Variants in TM2D3 observed in about 807,000 individuals in gnomAD.
TM2D3 encodes TM2 domain containing 3, also known as TM2 domain-containing protein 3.
Under a neutral mutation model 27.3 loss-of-function variants are expected in TM2D3, and 33 were observed. The ratio of observed to expected loss-of-function variants is 1.21; its 90% CI spans 0.92 to 1.61. The LOEUF is 1.61. TM2D3 is among the 40% of genes most tolerant of loss of function. TM2D3 has a pLI of 0.00. For synonymous variants in TM2D3, 138 were observed against 122.2 expected, an observed-to-expected ratio of 1.13 and a Z score of -0.85; for missense variants, 364 against 320.8, an observed-to-expected ratio of 1.13 and a Z score of -1.03.
In TM2D3 at chr15:101,646,591, G is replaced by C. The variant is rs1896816197; in HGVS notation, c.502+134C>G. 3.4e-6 allele frequency: 3 copies of C among 886,814 alleles called. No individual in the cohort carries two copies. In the Admixed American group the frequency reaches 6.2e-5, roughly 18 times the overall value. 54.9% of individuals were successfully genotyped at this position (886,814 alleles called of 1,614,324 possible). On this transcript the variant is annotated intron_variant, in intron 4 of 5. Transcript: ENST00000333202. ...TTAGTACGTTGAGTTTATTGATGAT[G>C]CTTGGCACATCTAAAGAGCTGCTGA...
At chr15:101,645,044 G>T in intron 5 of TM2D3, 43 bp downstream of exon 5, 1 of 1,555,866 alleles carries the variant, frequency 6.4e-7, no homozygotes, top group Non-Finnish European at 8.8e-7. Flanking sequence ...CAATCCCAAA[G>T]AAATGCAAAC....
chr15:101,644,953 GC>G, intron 5 of TM2D3, 133 bp downstream of exon 5: 1 of 779,042 alleles, frequency 1.3e-6, no homozygotes, highest in Non-Finnish European at 2.1e-6. Context: ...AACTCTTCCA[GC>G]TGTTTGCTAG....
chr15:101,637,121 C>A (rs374568964), downstream of TM2D3, among the ~76,000 whole-genome samples: 1 of 152,142 alleles, frequency 6.6e-6, no homozygotes, highest in East Asian at 1.9e-4. Context: ...CAGGACAGCT[C>A]GAAGCAGGGG....
Position 101,645,071 on chromosome 15 carries a change from G to T in TM2D3, c.578+16C>A. 1 of 1,608,406 alleles carries T rather than the reference G, an allele frequency of 6.2e-7. No homozygotes were observed. The highest frequency in any genetic ancestry group is 8.5e-7 in the Non-Finnish European group (1 of 1,176,352). The stretch of plus-strand genomic sequence containing the variant: ...AATGCAAACGGCCTTTTACACTTAC[G>T]AGTAACAAGGCTTACCTTAGAGCCA... On this transcript the variant is annotated intron_variant, in intron 5 of 5. Transcript: ENST00000333202.
intron 3 of TM2D3, among the ~76,000 whole-genome samples, chr15:101,649,408 C>A (rs982563707): frequency 3.3e-5 from 5 of 151,826 alleles, no homozygotes; most frequent in Admixed American, 2.6e-4. Flanking sequence ...GAAAAATATT[C>A]TCCATTTTGG....
chr15:101,644,979 G>A, intron 5 of TM2D3, 108 bp downstream of exon 5: 1 of 945,578 alleles, frequency 1.1e-6, no homozygotes. Flanking sequence ...TAACACACGT[G>A]GTAGGATCTG....
intron 4 of TM2D3, 61 bp from the exon 5 acceptor site, chr15:101,645,223 T>C (rs962215595): frequency 4.4e-6 from 6 of 1,371,162 alleles, no homozygotes; most frequent in Non-Finnish European, 6.0e-6. Flanking sequence ...AAAGACTTAA[T>C]TGTAACAAAT....
downstream of TM2D3, among the ~76,000 whole-genome samples, chr15:101,641,272 T>TAAACAAAACAAAACA (rs55775443): frequency 5.8e-4 from 88 of 151,486 alleles, no homozygotes; most frequent in Middle Eastern, 3.5e-3. Flanking sequence ...AAGTTCCTCG[T>TAAACAAAACAAAACA]AAACAAAACA....
intron 4 of TM2D3, chr15:101,646,435 A>G (rs896633450): frequency 3.1e-5 from 12 of 390,708 alleles, no homozygotes; most frequent in Non-Finnish European, 3.3e-5. Flanking sequence ...CCGCAATGGT[A>G]TTGGTGCTGC....
intron 4 of TM2D3, chr15:101,646,314 A>C (rs1300236732): frequency 6.2e-6 from 1 of 161,020 alleles, no homozygotes; most frequent in Non-Finnish European, 1.4e-5. Flanking sequence ...TAGACAATAA[A>C]ACTACAGAAA....
intron 4 of TM2D3, chr15:101,635,068 G>C (rs546792009): frequency 1.3e-5 from 2 of 152,200 alleles, no homozygotes; most frequent in Non-Finnish European, 2.9e-5. Flanking sequence ...GCTAAGGTGG[G>C]AGAATCTCTT....
chr15:101,638,793 T>C (rs1271730357), downstream of TM2D3, among the ~76,000 whole-genome samples: 2 of 152,222 alleles, frequency 1.3e-5, no homozygotes, highest in East Asian at 3.8e-4. Context: ...GTGCTGGCTT[T>C]TCCTACAGTG....
At chr15:101,647,768 T>C in intron 3 of TM2D3, among the ~76,000 whole-genome samples, 1 of 152,190 alleles carries the variant, frequency 6.6e-6, no homozygotes, top group East Asian at 1.9e-4. Context: ...CTGAAAGCAC[T>C]TTGTAGTCTT....
chr15:101,636,963 G>A (rs199915297), downstream of TM2D3: 20 of 410,872 alleles, frequency 4.9e-5, no homozygotes, highest in East Asian at 6.5e-4. Flanking sequence ...GATTTATTCC[G>A]AACCAAATAT....
intron 1 of TM2D3, 159 bp downstream of exon 1, chr15:101,652,112 C>T: frequency 1.5e-6 from 1 of 661,372 alleles, no homozygotes; most frequent in Non-Finnish European, 2.4e-6. Flanking sequence ...GCCGGGCGGC[C>T]AGGGCGCCAG....
intron 3 of TM2D3, among the ~76,000 whole-genome samples, chr15:101,649,003 T>C (rs748166223): frequency 6.6e-6 from 1 of 152,232 alleles, no homozygotes; most frequent in Non-Finnish European, 1.5e-5. Context: ...TATGAGCATC[T>C]GACCCTTATA....
downstream of TM2D3, chr15:101,641,838 G>A (rs966937050): frequency 1.1e-5 from 9 of 850,170 alleles, no homozygotes; most frequent in African/African-American, 1.6e-4. Flanking sequence ...TAGAAAACAG[G>A]CCCACAGTAT....
chr15:101,643,403 C>A (rs942612791), intron 5 of TM2D3, among the ~76,000 whole-genome samples: 3 of 151,748 alleles, frequency 2.0e-5, no homozygotes, highest in Non-Finnish European at 4.4e-5. Flanking sequence ...GAGATCCAGA[C>A]CATCCTGGCT....
chr15:101,638,481 G>A (rs1196552631), downstream of TM2D3, among the ~76,000 whole-genome samples: 1 of 151,956 alleles, frequency 6.6e-6, no homozygotes, highest in East Asian at 1.9e-4. Flanking sequence ...ATTTTTAGTA[G>A]AGACGGGGGT....
Sources: gnomAD v4.1 joint callset for allele counts (sites outside exome capture counted in the v4.1 genomes callset) on GRCh38, gnomAD v4.1.1 for gene constraint, MANE v1.5 for transcripts, NCBI Gene and HGNC (gene_info 2026-07-23, HGNC 2026-07-21) for gene names.